ANXA3: variants seen among roughly 807,000 people sequenced by gnomAD.
ANXA3 encodes the protein annexin A3.
In ANXA3, 46 loss-of-function variants were observed where a neutral mutation model predicts 48.8. The observed-to-expected ratio is 0.94, with a 90% CI of 0.74 to 1.21. The LOEUF is 1.21. ANXA3 is among the 50% of genes most tolerant of loss of function. The pLI is 0.00. For synonymous variants in ANXA3, 128 were observed against 134.7 expected (o/e 0.95, Z 0.35); for missense variants, 383 against 378.6 (o/e 1.01, Z -0.10).
At chr4:78,599,554 T>G (rs1360338810) in intron 10 of ANXA3, among the ~76,000 whole-genome samples, 1 of 152,100 alleles carries the variant, frequency 6.6e-6, no homozygotes, top group East Asian at 1.9e-4. Context: ...TTCAGAAACC[T>G]GAAAGACTGG....
chr4:78,580,784 C>T (rs1439472643), intron 4 of ANXA3, among the ~76,000 whole-genome samples: 1 of 152,192 alleles, frequency 6.6e-6, no homozygotes, highest in Non-Finnish European at 1.5e-5. Flanking sequence ...CCCATGAGGG[C>T]AGAATGCCTT....
chr4:78,554,636 A>G (rs1291804250), intron 2 of ANXA3, 148 bp downstream of exon 2: 1 of 637,732 alleles, frequency 1.6e-6, no homozygotes, highest in African/African-American at 1.8e-5. Flanking sequence ...GATGTCAAAA[A>G]TAATAAAATA....
At position 78,579,062 on chromosome 4, in the gene ANXA3, G is replaced by A. The variant is rs141446480; in HGVS notation, c.139G>A (p.Glu47Lys). Residue 47 changes from glutamate to lysine, a missense_variant, in exon 4 of 13, where the codon GAG becomes AAG. Glu to Lys is a moderately conservative substitution (Grantham distance 56, BLOSUM62 1). Transcript: ENST00000264908. ...DEKMLISILT[E>K]RSNAQRQLIV... ...GAAAATGCTCATCAGCATTCTGACT[G>A]AGAGGTCAAATGCACAGCGGCAGCT... 285 of 1,612,612 alleles carry A rather than the reference G, an allele frequency of 1.8e-4. No individual in the cohort carries two copies. Among genetic ancestry groups the A allele is most frequent in the Non-Finnish European group, 2.1e-4 (253 of 1,178,902 alleles).
intron 3 of ANXA3, among the ~76,000 whole-genome samples, chr4:78,578,395 G>C (rs1378958852): frequency 7.3e-6 from 1 of 136,990 alleles, no homozygotes; most frequent in Non-Finnish European, 1.6e-5. Context: ...GGGAGGGAGG[G>C]AGAGAGAGAT....
At chr4:78,593,306 A>G (rs1301806765) in intron 7 of ANXA3, among the ~76,000 whole-genome samples, 16 of 151,770 alleles carry the variant, frequency 1.1e-4, no homozygotes, top group Admixed American at 1.1e-3. Flanking sequence ...AGGTTCAAGC[A>G]ATTCTCCTGC....
chr4:78,591,181 G>A (rs1723287844), intron 6 of ANXA3, among the ~76,000 whole-genome samples: 1 of 152,184 alleles, frequency 6.6e-6, no homozygotes, highest in Non-Finnish European at 1.5e-5. Flanking sequence ...CTTGCTTAAG[G>A]TTAGGGTTCT....
intron 2 of ANXA3, among the ~76,000 whole-genome samples, chr4:78,564,373 C>T (rs1337918109): frequency 6.6e-6 from 1 of 152,186 alleles, no homozygotes; most frequent in Non-Finnish European, 1.5e-5. Context: ...TTGAAGGAAG[C>T]AACTCATCGG....
chr4:78,580,507 G>A (rs1403401863), intron 4 of ANXA3, among the ~76,000 whole-genome samples: 1 of 152,154 alleles, frequency 6.6e-6, no homozygotes, highest in Non-Finnish European at 1.5e-5. Context: ...AACCACTGGA[G>A]GTTTGTAAGC....
intron 1 of ANXA3, 68 bp from the exon 2 acceptor site, chr4:78,554,368 G>A (rs1201660706): frequency 2.7e-6 from 3 of 1,106,350 alleles, no homozygotes; most frequent in Non-Finnish European, 4.1e-6. Flanking sequence ...AAGATTAAGG[G>A]TTGGACTAAG....
intron 2 of ANXA3, among the ~76,000 whole-genome samples, chr4:78,556,088 C>CAA (rs1722506475): frequency 1.3e-5 from 2 of 152,068 alleles, no homozygotes; most frequent in Non-Finnish European, 2.9e-5. Flanking sequence ...CCAGTAATTC[C>CAA]ACTTGTGGGT....
At chr4:78,560,204 AC>A (rs369327775) in intron 2 of ANXA3, among the ~76,000 whole-genome samples, 1 of 152,178 alleles carries the variant, frequency 6.6e-6, no homozygotes, top group African/African-American at 2.4e-5. Context: ...TACAGTTCTG[AC>A]ACTAACTACC....
chr4:78,579,803 C>T (rs540156218), intron 4 of ANXA3, among the ~76,000 whole-genome samples: 2 of 152,072 alleles, frequency 1.3e-5, no homozygotes, highest in African/African-American at 4.8e-5. Context: ...ATGGCACATG[C>T]CTGTAATCTC....
intron 5 of ANXA3, among the ~76,000 whole-genome samples, 175 bp from the exon 6 acceptor site, chr4:78,586,085 T>C (rs1723168492): frequency 6.6e-6 from 1 of 152,200 alleles, no homozygotes; most frequent in Non-Finnish European, 1.5e-5. Context: ...TTATTCCAGA[T>C]GATTTATGTT....
chr4:78,575,796 C>T (rs933536821), intron 3 of ANXA3, among the ~76,000 whole-genome samples: 23 of 151,772 alleles, frequency 1.5e-4, no homozygotes, highest in Admixed American at 6.6e-4. Flanking sequence ...TTTTCTATAA[C>T]GAAGTCATAA....
chr4:78,576,885 T>C (rs1446945183), intron 3 of ANXA3, among the ~76,000 whole-genome samples: 1 of 152,144 alleles, frequency 6.6e-6, no homozygotes, highest in Non-Finnish European at 1.5e-5. Context: ...AAATAAGAGA[T>C]GAGAAACTGC....
At chr4:78,568,606 C>T (rs1722778934) in intron 2 of ANXA3, among the ~76,000 whole-genome samples, 1 of 152,214 alleles carries the variant, frequency 6.6e-6, no homozygotes, top group Non-Finnish European at 1.5e-5. Context: ...AGGGTTGGCA[C>T]CTTCTGTTTT....
intron 5 of ANXA3, among the ~76,000 whole-genome samples, chr4:78,583,090 A>G (rs180892705): frequency 3.3e-5 from 5 of 152,254 alleles, no homozygotes; most frequent in Admixed American, 1.3e-4. Flanking sequence ...TGTAATCCCA[A>G]TACTTTGGGA....
chr4:78,591,795 G>A (rs752592338), intron 7 of ANXA3, among the ~76,000 whole-genome samples, 172 bp downstream of exon 7: 3 of 152,144 alleles, frequency 2.0e-5, no homozygotes, highest in Non-Finnish European at 4.4e-5. Context: ...GTTTAACCAA[G>A]ATCATAAAAG....
intron 5 of ANXA3, among the ~76,000 whole-genome samples, chr4:78,584,689 C>T (rs1723136960): frequency 6.6e-6 from 1 of 152,174 alleles, no homozygotes; most frequent in African/African-American, 2.4e-5. Flanking sequence ...TCTGCCTTGC[C>T]ATCAGGGAAT....
Sources: allele counts gnomAD v4.1 joint callset (sites outside exome capture counted in the v4.1 genomes callset), GRCh38; gene constraint gnomAD v4.1.1; transcripts MANE v1.5; gene names NCBI Gene and HGNC (gene_info 2026-07-23, HGNC 2026-07-21).